TRIM24: variants seen among roughly 807,000 people sequenced by gnomAD.
TRIM24 encodes the protein tripartite motif containing 24.
In TRIM24, 29 loss-of-function variants were observed where a neutral mutation model predicts 123.9. The ratio of observed to expected loss-of-function variants is 0.23; its 90% CI spans 0.17 to 0.32. The LOEUF (loss-of-function observed/expected upper bound fraction) is 0.32. Among genes scored for constraint, TRIM24 ranks in the 10% least tolerant of loss-of-function variants. The pLI is 1.00. For synonymous variants in TRIM24, 456 were observed against 461.1 expected, an observed-to-expected ratio of 0.99 and a Z score of 0.14; for missense variants, 932 against 1,295.3, an observed-to-expected ratio of 0.72 and a Z score of 4.31.
At chr7:138,530,227 TAA>T (rs1211902008) in intron 6 of TRIM24, among the ~76,000 whole-genome samples, 6 of 142,872 alleles carry the variant, frequency 4.2e-5, no homozygotes, top group African/African-American at 7.7e-5. Context: ...TCTGTGACTT[TAA>T]AAAAAAAAAA....
intron 8 of TRIM24, among the ~76,000 whole-genome samples, chr7:138,553,751 C>T (rs1797259623): frequency 6.6e-6 from 1 of 152,152 alleles, no homozygotes; most frequent in Non-Finnish European, 1.5e-5. Flanking sequence ...CAGCAGTTCT[C>T]AAAGTATAGT....
chr7:138,555,036 A>T, intron 9 of TRIM24, 70 bp downstream of exon 9: 1 of 1,460,366 alleles, frequency 6.8e-7, no homozygotes, highest in South Asian at 1.3e-5. Flanking sequence ...GCTCAAAATA[A>T]CAAAGACATC....
At chr7:138,562,954 A>G (rs1180418408) in intron 9 of TRIM24, among the ~76,000 whole-genome samples, 1 of 152,204 alleles carries the variant, frequency 6.6e-6, no homozygotes, top group African/African-American at 2.4e-5. Context: ...TGGGAGGTAC[A>G]GGAATTCATG....
chr7:138,492,261 A>G (rs1795804602), intron 1 of TRIM24, among the ~76,000 whole-genome samples: 1 of 127,450 alleles, frequency 7.8e-6, no homozygotes, highest in Admixed American at 9.4e-5. Flanking sequence ...CAACAGGATA[A>G]TACTCTGTCT....
At chr7:138,578,566 G>GCGCGCGCA in intron 14 of TRIM24, among the ~76,000 whole-genome samples, 1 of 132,180 alleles carries the variant, frequency 7.6e-6, no homozygotes, top group East Asian at 2.0e-4. Flanking sequence ...GTGTGTGTGC[G>GCGCGCGCA]CGCACGCACG....
chr7:138,583,429 G>A (rs1325556276), intron 17 of TRIM24, among the ~76,000 whole-genome samples: 1 of 152,156 alleles, frequency 6.6e-6, no homozygotes, highest in East Asian at 1.9e-4. Context: ...AGACCAGCCT[G>A]GGCAACATGG....
At chr7:138,561,181 T>G (rs1445337702) in intron 9 of TRIM24, among the ~76,000 whole-genome samples, 1 of 152,196 alleles carries the variant, frequency 6.6e-6, no homozygotes, top group Non-Finnish European at 1.5e-5. Flanking sequence ...CTTTTTGGGC[T>G]GATGTTCTGT....
chr7:138,482,444 G>A (rs1795550736), intron 1 of TRIM24, among the ~76,000 whole-genome samples: 1 of 151,788 alleles, frequency 6.6e-6, no homozygotes, highest in Non-Finnish European at 1.5e-5. Flanking sequence ...TCACTTTGGG[G>A]AGAATATTAT....
chr7:138,485,981 C>G (rs981634505), intron 1 of TRIM24, among the ~76,000 whole-genome samples: 4 of 152,298 alleles, frequency 2.6e-5, no homozygotes, highest in Non-Finnish European at 4.4e-5. Flanking sequence ...TCCTATTTCT[C>G]CACATCCTCT....
chr7:138,497,646 C>G (rs1232787465), intron 1 of TRIM24, among the ~76,000 whole-genome samples: 1 of 151,834 alleles, frequency 6.6e-6, no homozygotes, highest in Non-Finnish European at 1.5e-5. Context: ...CCGTCCGCCT[C>G]GGTCTCTCAA....
chr7:138,578,563 T>TGTGTGTGTGTGTGTGTGCGCGC (rs145011901), intron 14 of TRIM24, among the ~76,000 whole-genome samples: 9 of 145,086 alleles, frequency 6.2e-5, no homozygotes, highest in South Asian at 4.5e-4. Context: ...TGTGTGTGTG[T>TGTGTGTGTGTGTGTGTGCGCGC]GCGCGCACGC....
At chr7:138,494,203 G>T (rs1795854738) in intron 1 of TRIM24, among the ~76,000 whole-genome samples, 1 of 151,892 alleles carries the variant, frequency 6.6e-6, no homozygotes, top group African/African-American at 2.4e-5. Flanking sequence ...TCTGGTCTCA[G>T]ACTCCTGACC....
At chr7:138,538,934 T>C in intron 7 of TRIM24, 131 bp downstream of exon 7, 1 of 857,608 alleles carries the variant, frequency 1.2e-6, no homozygotes. Flanking sequence ...ATCAAAATAT[T>C]TTGGTTTTAA....
chr7:138,517,710 T>C (rs1796429740), intron 3 of TRIM24, among the ~76,000 whole-genome samples: 1 of 152,170 alleles, frequency 6.6e-6, no homozygotes, highest in Admixed American at 6.5e-5. Context: ...TTGACACTAT[T>C]GACATTTTGA....
At chr7:138,474,709 G>A (rs867126412) in intron 1 of TRIM24, among the ~76,000 whole-genome samples, 15 of 152,280 alleles carry the variant, frequency 9.9e-5, no homozygotes, top group Middle Eastern at 6.8e-3. Flanking sequence ...TTAGAGGACT[G>A]TCCTTTCTCC....
At chr7:138,504,711 C>T (rs1229757824) in intron 2 of TRIM24, among the ~76,000 whole-genome samples, 1 of 151,702 alleles carries the variant, frequency 6.6e-6, no homozygotes, top group East Asian at 1.9e-4. Flanking sequence ...CCGCCCATCT[C>T]AGCCTCCCAA....
Position 138,583,995 on chromosome 7 carries a change from A to G in TRIM24, c.2939A>G (p.Asn980Ser). 1 of 1,607,148 alleles carries G rather than the reference A, an allele frequency of 6.2e-7. No individual in the cohort carries two copies. The highest frequency in any genetic ancestry group is 8.5e-7 in the Non-Finnish European group (1 of 1,178,022). The change falls in exon 18 of 19, where the codon AAT (asparagine) becomes AGT (serine). Residue 980 changes from asparagine (N) to serine (S), a missense_variant. This residue lies in a region of TRIM24 where 104 missense variants were observed against 121.5 expected (regional missense o/e 0.86). Transcript: ENST00000343526. ...ATCTTTCAAAACTGTGCTGAATTCA[A>G]TGAGGTGAGGCTAGGGGAGGGAAGG... ...RLIFQNCAEF[N>S]EPDSEVANAG...
intron 9 of TRIM24, among the ~76,000 whole-genome samples, chr7:138,566,897 C>A (rs905032893): frequency 6.6e-6 from 1 of 152,152 alleles, no homozygotes. Context: ...CAAATCCCAG[C>A]TCCATGCCTT....
intron 9 of TRIM24, among the ~76,000 whole-genome samples, chr7:138,561,078 C>G (rs1370620007): frequency 6.6e-6 from 1 of 152,168 alleles, no homozygotes; most frequent in African/African-American, 2.4e-5. Context: ...CATGAACATG[C>G]AATGTGGCAA....
Sources: allele counts gnomAD v4.1 joint callset (sites outside exome capture counted in the v4.1 genomes callset), GRCh38; gene constraint gnomAD v4.1.1; regional missense constraint gnomAD v4.1.1; transcripts MANE v1.5; gene names NCBI Gene and HGNC (gene_info 2026-07-23, HGNC 2026-07-21).